The following CTNND2 variants were observed in gnomAD, a reference collection of about 807,000 sequenced individuals.
CTNND2 encodes catenin delta 2, also known as catenin delta-2.
Under a neutral mutation model 144.4 loss-of-function variants are expected in CTNND2, and 22 were observed. The observed-to-expected ratio is 0.15, with a 90% CI of 0.11 to 0.22. The LOEUF is 0.22. Ranked by LOEUF, CTNND2 falls within the 10% of genes least tolerant of loss-of-function variation. CTNND2 has a pLI of 1.00. For missense variants in CTNND2, 1,353 were observed against 1,618.8 expected (o/e 0.84, Z 2.82); for synonymous variants, 751 against 695.6 (o/e 1.08, Z -1.25).
At chr5:11,376,319 T>TGC (rs1429044844) in intron 7 of CTNND2, among the ~76,000 whole-genome samples, 1 of 128,694 alleles carries the variant, frequency 7.8e-6, no homozygotes, top group Non-Finnish European at 1.6e-5. Context: ...CCTTTGTGTG[T>TGC]GTGTGTGTGT....
intron 5 of CTNND2, among the ~76,000 whole-genome samples, chr5:11,407,745 C>G (rs1761206811): frequency 6.6e-6 from 1 of 152,146 alleles, no homozygotes; most frequent in Non-Finnish European, 1.5e-5. Flanking sequence ...GCTAATGAAT[C>G]CATTGATTGA....
chr5:11,824,093 C>CAA (rs1189701479), intron 1 of CTNND2, among the ~76,000 whole-genome samples: 3,757 of 58,608 alleles, frequency 0.064, 281 homozygotes, highest in African/African-American at 0.17. Context: ...CAGAGTGTCT[C>CAA]AAAAAAAAAA....
intron 18 of CTNND2, among the ~76,000 whole-genome samples, chr5:11,004,169 A>C (rs942794625): frequency 1.3e-5 from 2 of 152,252 alleles, no homozygotes; most frequent in African/African-American, 4.8e-5. Flanking sequence ...GGAAATTGAA[A>C]TAAGACCATA....
rs777721558 is a variant in CTNND2 at position 11,384,955 on chromosome 5, C to A, written c.887G>T (p.Arg296Leu). Residue 296 changes from arginine (R) to leucine (L), a missense_variant, in exon 7 of 22, where the codon CGC becomes CTC. Transcript: ENST00000304623. The surrounding 1 kb of genome is among the most constrained non-coding windows in gnomAD (Gnocchi z 5.2). ...GGGCGACTGCTTGGGCGAGGAGCCG[C>A]GCGGCGCGGCGTAGGTGGCGCCCTC... The part of the protein sequence containing the change: ...APEGATYAAP[R>L]GSSPKQSPSR... 6.4e-7 allele frequency: 1 copy of A among 1,568,596 alleles called. No homozygotes were observed. The highest frequency in any genetic ancestry group is 2.3e-5 in the East Asian group (1 of 42,728).
rs184785378 is a variant in CTNND2, at chr5:11,881,267, C to T, written c.37+22550G>A. ...AAATTAGAGTAACTGGCATGTCCAT[C>T]ACTTCAAACATTTATTACTTCTTTG... is the stretch of plus-strand genomic sequence containing the variant. On this transcript the variant is annotated intron_variant, in intron 1 of 21. Coordinates refer to ENST00000304623, the MANE Select transcript of CTNND2 (RefSeq NM_001332.4). 1.8e-3 allele frequency among the ~76,000 whole-genome samples: 278 copies of T among 152,030 alleles called. 9 individuals carry two copies. In the East Asian group the frequency reaches 0.039, roughly 22 times the overall value.
chr5:11,316,901 T>C (rs1482117893), intron 9 of CTNND2, among the ~76,000 whole-genome samples: 3 of 152,138 alleles, frequency 2.0e-5, no homozygotes, highest in Non-Finnish European at 2.9e-5. Context: ...TGTTGGACAT[T>C]TGGGTTGGTT....
intron 1 of CTNND2, among the ~76,000 whole-genome samples, chr5:11,812,125 C>T (rs2126910941): frequency 6.6e-6 from 1 of 152,186 alleles, no homozygotes; most frequent in South Asian, 2.1e-4. Context: ...ATGAAGCTTA[C>T]CTTTAAAAGG....
chr5:11,904,222 G>A lies in CTNND2; in HGVS notation c.-369C>T, dbSNP rs1162281007. 2.1e-5 allele frequency among the ~76,000 whole-genome samples: 3 copies of A among 145,102 alleles called. No individual in the cohort carries two copies. Among genetic ancestry groups the A allele is most frequent in the Non-Finnish European group, 3.1e-5 (2 of 65,428 alleles). On this transcript the variant is annotated 5_prime_UTR_variant, in exon 1 of 22. Coordinates refer to ENST00000304623, the MANE Select transcript of CTNND2 (RefSeq NM_001332.4). The surrounding 1 kb of genome is among the most constrained non-coding windows in gnomAD (Gnocchi z 4.2). ...CAGCTCCGCTCAGCCGGCTGTCGCC[G>A]CGGGCGCGAGCCTGGGGCCGCCGCG...
At chr5:11,317,484 T>C (rs1326751937) in intron 9 of CTNND2, among the ~76,000 whole-genome samples, 7 of 152,240 alleles carry the variant, frequency 4.6e-5, no homozygotes, top group Admixed American at 2.0e-4. Context: ...CTCCCAATTA[T>C]CCACTGTTTT....
chr5:11,755,818 C>T (rs1266874928), intron 1 of CTNND2, among the ~76,000 whole-genome samples: 2 of 151,582 alleles, frequency 1.3e-5, no homozygotes, highest in Non-Finnish European at 3.0e-5. Context: ...GCTATTTCAT[C>T]TTTCAGCTTC....
chr5:11,519,909 C>T lies in CTNND2; in HGVS notation c.287+45035G>A, dbSNP rs538365650. Among the ~76,000 whole-genome samples, 341 of 151,800 alleles carry T rather than the reference C, an allele frequency of 2.2e-3. 2 individuals are homozygous for T. The highest frequency in any genetic ancestry group is 7.8e-3 in the African/African-American group (324 of 41,422). On this transcript the variant is annotated intron_variant, in intron 3 of 21. Coordinates refer to ENST00000304623, the MANE Select transcript of CTNND2 (RefSeq NM_001332.4). Reference sequence around the variant, plus strand: ...ATCTCAGCACTTTGGGAGGCTGACACGGGCGGATCACCTAAGGTCAGGAGT... The same window carrying T: ...ATCTCAGCACTTTGGGAGGCTGACATGGGCGGATCACCTAAGGTCAGGAGT...
At chr5:11,147,979 T>C (rs1280975491) in intron 12 of CTNND2, among the ~76,000 whole-genome samples, 1 of 152,218 alleles carries the variant, frequency 6.6e-6, no homozygotes, top group African/African-American at 2.4e-5. Flanking sequence ...CAGGGGAATA[T>C]TATTCAGCCA....
At chr5:11,269,327 C>T (rs1273259757) in intron 9 of CTNND2, among the ~76,000 whole-genome samples, 1 of 152,196 alleles carries the variant, frequency 6.6e-6, no homozygotes, top group Non-Finnish European at 1.5e-5. Flanking sequence ...CTTTATAACA[C>T]TTTGGGGCCC....
chr5:11,728,216 T>G (rs1787128707), intron 2 of CTNND2, among the ~76,000 whole-genome samples: 1 of 152,024 alleles, frequency 6.6e-6, no homozygotes, highest in Admixed American at 6.6e-5. Flanking sequence ...CTCACGCCTG[T>G]AATCCCAGCA....
chr5:11,203,122 G>A (rs987810338), intron 10 of CTNND2, among the ~76,000 whole-genome samples: 2 of 152,008 alleles, frequency 1.3e-5, no homozygotes, highest in African/African-American at 4.8e-5. Flanking sequence ...CCAATTTCTT[G>A]CACCCAATCC....
chr5:11,265,497 G>A (rs1014766459), intron 9 of CTNND2, among the ~76,000 whole-genome samples: 1 of 152,000 alleles, frequency 6.6e-6, no homozygotes, highest in Non-Finnish European at 1.5e-5. Flanking sequence ...CACTGCAGAC[G>A]GGCCTTTTAC....
intron 1 of CTNND2, among the ~76,000 whole-genome samples, chr5:11,857,060 T>C (rs941306515): frequency 6.6e-6 from 1 of 152,216 alleles, no homozygotes; most frequent in Non-Finnish European, 1.5e-5. Flanking sequence ...TCACATTAAA[T>C]ATTTGAACTT....
At chr5:11,848,957 T>G (rs1561855990) in intron 1 of CTNND2, among the ~76,000 whole-genome samples, 1 of 152,084 alleles carries the variant, frequency 6.6e-6, no homozygotes, top group Non-Finnish European at 1.5e-5. Flanking sequence ...ATTGACATAT[T>G]GACACTACTT....
chr5:11,139,370 G>A (rs1336178167), intron 12 of CTNND2, among the ~76,000 whole-genome samples: 1 of 152,242 alleles, frequency 6.6e-6, no homozygotes, highest in Non-Finnish European at 1.5e-5. Context: ...CTGTGTGAAA[G>A]CACGCTGACA....
Sources: allele counts gnomAD v4.1 joint callset (sites outside exome capture counted in the v4.1 genomes callset), GRCh38; gene constraint gnomAD v4.1.1; non-coding constraint Gnocchi (gnomAD v3.1); transcripts MANE v1.5; gene names NCBI Gene and HGNC (gene_info 2026-07-23, HGNC 2026-07-21).